RUNX2: variants seen among roughly 807,000 people sequenced by gnomAD.
The protein encoded by RUNX2 is runt-related transcription factor 2.
Under a neutral mutation model 51.7 loss-of-function variants are expected in RUNX2, and 10 were observed. That is an observed-to-expected ratio of 0.19 (90% CI 0.12 to 0.33). The LOEUF (loss-of-function observed/expected upper bound fraction) is 0.33, where lower values mean the gene tolerates loss of function less well. Ranked by LOEUF, RUNX2 falls within the 10% of genes least tolerant of loss-of-function variation. The pLI is 1.00. For synonymous variants in RUNX2, 276 were observed against 273.6 expected (o/e 1.01, Z -0.09); for missense variants, 562 against 691.3 (o/e 0.81, Z 2.10).
chr6:45,357,268 A>G (rs1330572848), intron 2 of RUNX2, among the ~76,000 whole-genome samples: 1 of 151,936 alleles, frequency 6.6e-6, no homozygotes, highest in Non-Finnish European at 1.5e-5. Flanking sequence ...CGGCCTCCCA[A>G]AGTGCTGGGA....
intron 2 of RUNX2, among the ~76,000 whole-genome samples, chr6:45,379,158 C>A (rs1361816571): frequency 6.6e-6 from 1 of 152,178 alleles, no homozygotes; most frequent in South Asian, 2.1e-4. Flanking sequence ...ATCTCCCCAA[C>A]GCTTCAATAT....
At chr6:45,513,502 C>T (rs1056546627) in intron 7 of RUNX2, 1 of 152,220 alleles carries the variant, frequency 6.6e-6, no homozygotes, top group African/African-American at 2.4e-5. Context: ...GCTGAAGCTC[C>T]ACCAGCAGGC....
At chr6:45,367,062 A>G (rs1473716649) in intron 2 of RUNX2, among the ~76,000 whole-genome samples, 1 of 152,140 alleles carries the variant, frequency 6.6e-6, no homozygotes, top group African/African-American at 2.4e-5. Flanking sequence ...AAGGTTGGGG[A>G]AAAAAAGCTA....
At chr6:45,406,710 A>G (rs2150354780) in intron 2 of RUNX2, among the ~76,000 whole-genome samples, 1 of 152,288 alleles carries the variant, frequency 6.6e-6, no homozygotes, top group South Asian at 2.1e-4. Flanking sequence ...TGCATGTTAA[A>G]TAGGCTTTCC....
intron 5 of RUNX2, among the ~76,000 whole-genome samples, chr6:45,458,024 T>TTTTTTTG (rs1331659344): frequency 6.8e-6 from 1 of 146,890 alleles, no homozygotes; most frequent in African/African-American, 2.5e-5. Flanking sequence ...GGGATAGGAT[T>TTTTTTTG]TTTTTTTTTT....
chr6:45,533,749 G>C (rs1004492974), intron 7 of RUNX2, among the ~76,000 whole-genome samples: 2 of 152,100 alleles, frequency 1.3e-5, no homozygotes, highest in African/African-American at 4.8e-5. Context: ...TTAAATAAAA[G>C]GTAGTAGTTT....
chr6:45,426,720 A>C (rs1798392105), intron 3 of RUNX2, among the ~76,000 whole-genome samples: 1 of 152,188 alleles, frequency 6.6e-6, no homozygotes, highest in Non-Finnish European at 1.5e-5. Context: ...ATAAGCTAGC[A>C]CTCATAGTTA....
intron 2 of RUNX2, among the ~76,000 whole-genome samples, chr6:45,335,826 AT>A (rs552609101): frequency 3.3e-5 from 5 of 151,286 alleles, no homozygotes; most frequent in Non-Finnish European, 7.4e-5. Context: ...AATAAGATTA[AT>A]TTTTTTACCT....
chr6:45,466,970 AC>A (rs1799650970), intron 5 of RUNX2, among the ~76,000 whole-genome samples: 1 of 152,162 alleles, frequency 6.6e-6, no homozygotes, highest in Non-Finnish European at 1.5e-5. Context: ...CTTGCTCCTA[AC>A]CACCAAACTT....
rs10706582 is a variant in RUNX2 at position 45,532,905 on chromosome 6, CTTT to C, written c.1022-12294_1022-12292del. On this transcript the variant is annotated intron_variant, in intron 7 of 8. Transcript: ENST00000647337. ...CACAGCTAGCTAAGCAGACCGGGCT[CTTT>C]TTTTTTTTTTTTTTTTTCACGGTCA... Among the ~76,000 whole-genome samples the C allele has an allele frequency of 5.5e-3, 696 of 125,840 alleles. 14 individuals carry two copies. The highest frequency in any genetic ancestry group is 0.02 in the African/African-American group (661 of 33,828). 82.6% of individuals were successfully genotyped at this position (125,840 alleles called of 152,430 possible).
chr6:45,412,578 T>A (rs1018093745), intron 2 of RUNX2, among the ~76,000 whole-genome samples: 1 of 152,078 alleles, frequency 6.6e-6, no homozygotes, highest in Non-Finnish European at 1.5e-5. Context: ...ATATATTCTC[T>A]GGGCAAAGAT....
chr6:45,447,680 G>A (rs771577528), intron 5 of RUNX2, among the ~76,000 whole-genome samples: 82 of 152,248 alleles, frequency 5.4e-4, no homozygotes, highest in Admixed American at 1.6e-3. Context: ...CATTATCGGT[G>A]TTTAAAAAAT....
intron 5 of RUNX2, among the ~76,000 whole-genome samples, chr6:45,445,081 G>T (rs1798952711): frequency 6.6e-6 from 1 of 152,152 alleles, no homozygotes; most frequent in African/African-American, 2.4e-5. Flanking sequence ...CTGGAGTGCA[G>T]TGGCGGGATC....
intron 6 of RUNX2, among the ~76,000 whole-genome samples, chr6:45,509,413 C>A (rs1425036205): frequency 1.3e-5 from 2 of 152,136 alleles, no homozygotes; most frequent in Admixed American, 6.5e-5. Flanking sequence ...GTAATCCTCA[C>A]AAAAACCCTA....
chr6:45,380,713 A>AT lies in RUNX2; in HGVS notation c.59-41878dup, dbSNP rs538178020. Among the ~76,000 whole-genome samples, 31 of 152,234 alleles carry AT rather than the reference A, an allele frequency of 2.0e-4. No individual in the cohort carries two copies. The South Asian group carries it at 5.6e-3, about 28-fold the overall frequency. On this transcript the variant is annotated intron_variant, in intron 2 of 8. Transcript: ENST00000647337. ...TGCCTCAGCCTCCTGAGTAGCTGGG[A>AT]TTACAGGCGTGTGCCACCACGCCCG...
intron 7 of RUNX2, chr6:45,513,779 A>T (rs1009291836): frequency 1.3e-5 from 2 of 152,202 alleles, no homozygotes; most frequent in African/African-American, 4.8e-5. Context: ...GGGGAATTGT[A>T]TAGAGTATAG....
intron 2 of RUNX2, among the ~76,000 whole-genome samples, chr6:45,407,839 G>A (rs1306108324): frequency 2.0e-5 from 3 of 151,748 alleles, no homozygotes; most frequent in Admixed American, 6.6e-5. Flanking sequence ...TTTTGCTTTA[G>A]AGTCTCAATT....
intron 2 of RUNX2, among the ~76,000 whole-genome samples, chr6:45,343,232 G>T (rs932497113): frequency 1.3e-5 from 2 of 151,960 alleles, no homozygotes; most frequent in Non-Finnish European, 2.9e-5. Flanking sequence ...AATCTCAGCC[G>T]GGTGCAGTGG....
chr6:45,523,825 A>G (rs569406376), intron 7 of RUNX2, among the ~76,000 whole-genome samples: 1 of 151,820 alleles, frequency 6.6e-6, no homozygotes, highest in South Asian at 2.1e-4. Flanking sequence ...CCAGCTACTC[A>G]GGAAGTTGAT....
Sources: allele counts gnomAD v4.1 joint callset (sites outside exome capture counted in the v4.1 genomes callset), GRCh38; gene constraint gnomAD v4.1.1; transcripts MANE v1.5; gene names NCBI Gene and HGNC (gene_info 2026-07-23, HGNC 2026-07-21).